LHFPL2: variants seen among roughly 807,000 people sequenced by gnomAD.
LHFPL2 encodes LHFPL tetraspan subfamily member 2 protein.
In LHFPL2, 7 loss-of-function variants were observed where a neutral mutation model predicts 17.5. The observed-to-expected ratio is 0.40, with a 90% confidence interval of 0.23 to 0.75. The LOEUF (loss-of-function observed/expected upper bound fraction) is 0.75. Among genes scored for constraint, LHFPL2 ranks in the 30% least tolerant of loss-of-function variants. The pLI is 0.37. For synonymous variants in LHFPL2, 134 were observed against 116.2 expected, an observed-to-expected ratio of 1.15 and a Z score of -0.99; for missense variants, 241 against 294.8, an observed-to-expected ratio of 0.82 and a Z score of 1.34.
At chr5:78,581,523 C>A (rs1287232607) in intron 2 of LHFPL2, among the ~76,000 whole-genome samples, 2 of 152,044 alleles carry the variant, frequency 1.3e-5, no homozygotes, top group Admixed American at 6.6e-5. Context: ...TTGTCAAAGG[C>A]CTTTTCTGCA....
chr5:78,523,964 G>A (rs528324717), intron 3 of LHFPL2, among the ~76,000 whole-genome samples: 2 of 152,254 alleles, frequency 1.3e-5, no homozygotes, highest in South Asian at 2.1e-4. Context: ...GGAAGGAAAC[G>A]AGCCGGACAA....
At chr5:78,515,435 T>C (rs1755263231) in intron 3 of LHFPL2, among the ~76,000 whole-genome samples, 1 of 152,270 alleles carries the variant, frequency 6.6e-6, no homozygotes, top group Non-Finnish European at 1.5e-5. Flanking sequence ...AAGGCTAGAC[T>C]GGTAGATGCT....
At chr5:78,574,426 T>G (rs924237803) in intron 2 of LHFPL2, among the ~76,000 whole-genome samples, 4 of 152,192 alleles carry the variant, frequency 2.6e-5, no homozygotes, top group Non-Finnish European at 4.4e-5. Flanking sequence ...AAAAGTACAG[T>G]CTGGCCAGAG....
At chr5:78,535,790 T>C (rs1346865412) in intron 3 of LHFPL2, among the ~76,000 whole-genome samples, 2 of 152,224 alleles carry the variant, frequency 1.3e-5, no homozygotes, top group African/African-American at 4.8e-5. Context: ...GGGCAGGCTG[T>C]GGCTCCTCCC....
chr5:78,537,945 C>T lies in LHFPL2; in HGVS notation c.-186+26868G>A, dbSNP rs149710115. Among the ~76,000 whole-genome samples, 225 of 152,258 alleles carry T rather than the reference C, an allele frequency of 1.5e-3. 1 individual carries two copies. Among genetic ancestry groups the T allele is most frequent in the Non-Finnish European group, 1.1e-3 (78 of 68,012 alleles). On this transcript the variant is annotated intron_variant, in intron 3 of 4. Coordinates refer to ENST00000380345, the MANE Select transcript of LHFPL2 (RefSeq NM_005779.3). ...AACGCATGATTTACCTATCTTGGGGCGCTACAGGGATGGGGAATGTGTGAG... is the reference window on the plus strand; with the variant it reads ...AACGCATGATTTACCTATCTTGGGGTGCTACAGGGATGGGGAATGTGTGAG...
At chr5:78,646,633 A>C (rs1486712310) in intron 1 of LHFPL2, among the ~76,000 whole-genome samples, 2 of 152,232 alleles carry the variant, frequency 1.3e-5, no homozygotes, top group Non-Finnish European at 2.9e-5. Context: ...AGAAGTTGAG[A>C]AGCTGTATAT....
chr5:78,534,817 G>A (rs562527257), intron 3 of LHFPL2, among the ~76,000 whole-genome samples: 2 of 152,306 alleles, frequency 1.3e-5, no homozygotes, highest in African/African-American at 2.4e-5. Flanking sequence ...TTGCCGTCCT[G>A]GCAAAACTCC....
chr5:78,604,677 A>C (rs2112477691), intron 2 of LHFPL2, among the ~76,000 whole-genome samples: 1 of 152,342 alleles, frequency 6.6e-6, no homozygotes, highest in Non-Finnish European at 1.5e-5. Flanking sequence ...AACCCTGATA[A>C]CTGAAATTCA....
chr5:78,518,577 C>A (rs11749121), intron 3 of LHFPL2, among the ~76,000 whole-genome samples: 1 of 152,046 alleles, frequency 6.6e-6, no homozygotes, highest in Non-Finnish European at 1.5e-5. Context: ...TGCCAGTAGC[C>A]ATAGGTACTT....
intron 4 of LHFPL2, among the ~76,000 whole-genome samples, chr5:78,493,094 A>C (rs142255612): frequency 9.6e-4 from 146 of 152,316 alleles, no homozygotes; most frequent in African/African-American, 3.3e-3. Context: ...AGCAAAAATA[A>C]ATTTTTTTAA....
Position 78,488,625 on chromosome 5 carries a change from C to T in LHFPL2, c.*272G>A. On this transcript the variant is annotated 3_prime_UTR_variant, in exon 5 of 5. Transcript: ENST00000380345. ...TTTAGATTATTATCCTTCATTGAACCTGGGGGAGATGGAGTCTGACAGAAC... is the reference window on the plus strand; with the variant it reads ...TTTAGATTATTATCCTTCATTGAACTTGGGGGAGATGGAGTCTGACAGAAC... The T allele has an allele frequency of 2.2e-6, 1 of 450,798 alleles. No homozygotes were observed. The highest frequency in any genetic ancestry group is 4.1e-6 in the Non-Finnish European group (1 of 245,410). The allele number at this position is 450,798 out of a possible 1,614,324, so 27.9% of individuals were successfully genotyped here. A position where few individuals can be genotyped will look rare whatever the true frequency, so the allele number is the denominator to read the frequency against.
intron 3 of LHFPL2, among the ~76,000 whole-genome samples, chr5:78,534,370 T>C (rs998783804): frequency 6.6e-6 from 1 of 152,176 alleles, no homozygotes; most frequent in Non-Finnish European, 1.5e-5. Context: ...TCCAGCCGTG[T>C]GTCCTCGAGC....
intron 3 of LHFPL2, among the ~76,000 whole-genome samples, chr5:78,537,582 G>C (rs1049912507): frequency 1.3e-5 from 2 of 152,078 alleles, no homozygotes; most frequent in Non-Finnish European, 2.9e-5. Flanking sequence ...GATGATTTCT[G>C]CTCAAAGCAA....
intron 2 of LHFPL2, among the ~76,000 whole-genome samples, chr5:78,567,492 C>T (rs1386646040): frequency 6.6e-6 from 1 of 152,016 alleles, no homozygotes; most frequent in Non-Finnish European, 1.5e-5. Flanking sequence ...TGTATTAGAA[C>T]AGTGTCTTTA....
chr5:78,505,495 C>T (rs1754905662), intron 4 of LHFPL2, among the ~76,000 whole-genome samples: 1 of 152,166 alleles, frequency 6.6e-6, no homozygotes. Flanking sequence ...GCTCTGTTTT[C>T]TTGTCAATTT....
intron 3 of LHFPL2, among the ~76,000 whole-genome samples, chr5:78,557,656 C>T (rs535563570): frequency 6.6e-6 from 1 of 152,184 alleles, no homozygotes; most frequent in Non-Finnish European, 1.5e-5. Context: ...CTCCTAACAC[C>T]ACTTGGCCAC....
intron 4 of LHFPL2, among the ~76,000 whole-genome samples, chr5:78,497,251 C>T (rs1009467116): frequency 6.6e-6 from 1 of 151,842 alleles, no homozygotes; most frequent in Non-Finnish European, 1.5e-5. Flanking sequence ...TCTCCTGATA[C>T]CCACATGGCT....
intron 2 of LHFPL2, among the ~76,000 whole-genome samples, chr5:78,582,997 C>T (rs375757391): frequency 0.012 from 1,874 of 152,136 alleles, 41 homozygotes; most frequent in African/African-American, 0.042. Context: ...ATATTTAGGA[C>T]AGTTAGCTCT....
chr5:78,556,752 CAAAAT>C (rs1408966631), intron 3 of LHFPL2, among the ~76,000 whole-genome samples: 2 of 151,716 alleles, frequency 1.3e-5, no homozygotes, highest in East Asian at 1.9e-4. Flanking sequence ...AAAAAAGTAA[CAAAAT>C]AAAGTTATAT....
Sources: gnomAD v4.1 joint callset for allele counts (sites outside exome capture counted in the v4.1 genomes callset) on GRCh38, gnomAD v4.1.1 for gene constraint, MANE v1.5 for transcripts, NCBI Gene and HGNC (gene_info 2026-07-23, HGNC 2026-07-21) for gene names.